The following EEA1 variants were observed in gnomAD, a reference collection of about 807,000 sequenced individuals.
EEA1 encodes early endosome antigen 1.
A neutral mutation model predicts 209.2 loss-of-function variants in EEA1; 111 were observed. That is an observed-to-expected ratio of 0.53 (90% CI 0.45 to 0.62). EEA1 has a LOEUF of 0.62. Among genes scored for constraint, EEA1 ranks in the 20% least tolerant of loss-of-function variants. EEA1 has a pLI of 0.00. For missense variants in EEA1, 1,343 were observed against 1,530.8 expected, an observed-to-expected ratio of 0.88 and a Z score of 2.05; for synonymous variants, 536 against 540.6, an observed-to-expected ratio of 0.99 and a Z score of 0.12.
intron 15 of EEA1, among the ~76,000 whole-genome samples, chr12:92,815,072 C>T (rs1408942606): frequency 6.6e-6 from 1 of 152,130 alleles, no homozygotes; most frequent in Non-Finnish European, 1.5e-5. Context: ...ACTTTATGAA[C>T]TAACACTAGC....
intron 21 of EEA1, among the ~76,000 whole-genome samples, chr12:92,790,500 A>G (rs555867313): frequency 6.6e-6 from 1 of 152,364 alleles, no homozygotes; most frequent in Non-Finnish European, 1.5e-5. Context: ...AAGCTTCAAC[A>G]GCTGATTCGA....
intron 21 of EEA1, among the ~76,000 whole-genome samples, chr12:92,790,327 A>T (rs1009989428): frequency 2.6e-5 from 4 of 152,206 alleles, no homozygotes; most frequent in Admixed American, 6.5e-5. Flanking sequence ...GGTAATAACG[A>T]ACTTCTCCGA....
At position 92,801,688 on chromosome 12, in the gene EEA1, T is replaced by C. The variant is rs1167564689; in HGVS notation, c.2684A>G (p.Lys895Arg). 1 of 1,586,606 alleles carries C rather than the reference T, an allele frequency of 6.3e-7. No individual in the cohort carries two copies. Among genetic ancestry groups the C allele is most frequent in the Non-Finnish European group, 8.5e-7 (1 of 1,170,392 alleles). Reference protein sequence around the residue: ...AAILDLEKTCKELKHQLQVQM... With the variant: ...AAILDLEKTCRELKHQLQVQM... ...CACTTGAAGTTGATGCTTTAATTCT[T>C]TGCAAGTTTTTTCCTTAAAAAAAAT... The change falls in exon 20 of 29, where the codon AAA becomes AGA. Residue 895 changes from lysine to arginine, a missense_variant. Coordinates refer to ENST00000322349, the MANE Select transcript of EEA1 (RefSeq NM_003566.4).
chr12:92,883,911 G>C, intron 2 of EEA1: 1 of 1,577,740 alleles, frequency 6.3e-7, no homozygotes, highest in East Asian at 2.2e-5. Context: ...GTGTGGTAAT[G>C]AGAGATCCAA....
intron 1 of EEA1, among the ~76,000 whole-genome samples, chr12:92,908,964 C>G (rs1006338797): frequency 6.6e-6 from 1 of 152,128 alleles, no homozygotes; most frequent in African/African-American, 2.4e-5. Flanking sequence ...GCTAGGATTA[C>G]AGGCGTGCAC....
chr12:92,870,416 A>G (rs1878589439), intron 2 of EEA1, among the ~76,000 whole-genome samples: 1 of 152,174 alleles, frequency 6.6e-6, no homozygotes, highest in African/African-American at 2.4e-5. Context: ...TCAGCCTGAA[A>G]ATGGGCAGCG....
intron 13 of EEA1, among the ~76,000 whole-genome samples, chr12:92,821,457 A>C (rs1273162863): frequency 6.6e-6 from 1 of 152,094 alleles, no homozygotes; most frequent in Non-Finnish European, 1.5e-5. Flanking sequence ...TCACCCAAAA[A>C]TTTCCAAAAG....
At chr12:92,841,345 T>G (rs1877154377) in intron 10 of EEA1, among the ~76,000 whole-genome samples, 1 of 152,052 alleles carries the variant, frequency 6.6e-6, no homozygotes. Flanking sequence ...ACATAAGACC[T>G]AAAAATTAGA....
chr12:92,853,344 C>T (rs978457549), intron 6 of EEA1, among the ~76,000 whole-genome samples: 14 of 152,058 alleles, frequency 9.2e-5, no homozygotes, highest in African/African-American at 2.9e-4. Flanking sequence ...AAGGAATACA[C>T]CCCTTATCTT....
chr12:92,843,831 T>C (rs896519141), intron 9 of EEA1, among the ~76,000 whole-genome samples: 3 of 152,168 alleles, frequency 2.0e-5, no homozygotes, highest in Non-Finnish European at 1.5e-5. Context: ...TATCATATAT[T>C]ACAAATGAGT....
At chr12:92,908,479 A>C (rs1267958984) in intron 1 of EEA1, among the ~76,000 whole-genome samples, 2 of 152,230 alleles carry the variant, frequency 1.3e-5, no homozygotes, top group Non-Finnish European at 2.9e-5. Flanking sequence ...TAATTTAAAA[A>C]AAATTTTTTT....
intron 15 of EEA1, among the ~76,000 whole-genome samples, chr12:92,815,045 G>A (rs1233500282): frequency 1.3e-5 from 2 of 152,130 alleles, no homozygotes; most frequent in African/African-American, 4.8e-5. Flanking sequence ...CAAAAGAAAA[G>A]TAAGGCCATA....
chr12:92,894,061 CATA>C (rs551683015), intron 1 of EEA1, among the ~76,000 whole-genome samples: 24 of 152,260 alleles, frequency 1.6e-4, no homozygotes, highest in African/African-American at 4.6e-4. Context: ...TGGTAATTAT[CATA>C]ATATTTCAAG....
At chr12:92,865,500 A>G (rs7965897) in intron 2 of EEA1, among the ~76,000 whole-genome samples, 141,536 of 151,896 alleles carry the variant, frequency 0.93, 65,992 homozygotes, top group East Asian at 1. Context: ...GCTAACCTAC[A>G]GCTAACACAG....
chr12:92,910,153 A>T lies in EEA1; in HGVS notation c.25-18432T>A, dbSNP rs374107383. On this transcript the variant is annotated intron_variant, in intron 1 of 28. Coordinates refer to ENST00000322349, the MANE Select transcript of EEA1 (RefSeq NM_003566.4). The stretch of plus-strand genomic sequence containing the variant: ...GCAAGATTCCATCTCAAAAATAAAT[A>T]AATTAATTAAATTTTAATTTTAAAA... 5.0e-3 allele frequency among the ~76,000 whole-genome samples: 296 copies of T among 59,156 alleles called. 1 individual carries two copies. Among genetic ancestry groups the T allele is most frequent in the African/African-American group, 0.021 (284 of 13,546 alleles). The allele number at this position is 59,156 out of a possible 152,430, so 38.8% of individuals were successfully genotyped here. A position where few individuals can be genotyped will look rare whatever the true frequency, so the allele number is the denominator to read the frequency against.
At chr12:92,905,899 G>T (rs1050896097) in intron 1 of EEA1, among the ~76,000 whole-genome samples, 3 of 138,780 alleles carry the variant, frequency 2.2e-5, no homozygotes, top group African/African-American at 7.7e-5. Context: ...GTATAATTTA[G>T]ACATATATAT....
At chr12:92,892,637 C>T (rs966373854) in intron 1 of EEA1, among the ~76,000 whole-genome samples, 7 of 151,844 alleles carry the variant, frequency 4.6e-5, no homozygotes, top group African/African-American at 1.5e-4. Flanking sequence ...CATAGTGGCA[C>T]GATCTTGGCT....
chr12:92,916,171 C>G (rs568588889), intron 1 of EEA1, among the ~76,000 whole-genome samples: 20 of 152,246 alleles, frequency 1.3e-4, no homozygotes, highest in Middle Eastern at 3.4e-3. Context: ...TGTTTTGATT[C>G]ATCAAATATG....
chr12:92,795,500 T>C (rs917063738), intron 21 of EEA1, among the ~76,000 whole-genome samples: 3 of 152,108 alleles, frequency 2.0e-5, no homozygotes, highest in Non-Finnish European at 2.9e-5. Flanking sequence ...CTGAAACAAG[T>C]GATTGAATGA....
Sources: allele counts gnomAD v4.1 joint callset (sites outside exome capture counted in the v4.1 genomes callset), GRCh38; gene constraint gnomAD v4.1.1; transcripts MANE v1.5; gene names NCBI Gene and HGNC (gene_info 2026-07-23, HGNC 2026-07-21).